MAGI3: variants seen among roughly 807,000 people sequenced by gnomAD.
MAGI3 encodes membrane-associated guanylate kinase, WW and PDZ domain-containing protein 3.
A neutral mutation model predicts 121.8 loss-of-function variants in MAGI3; 43 were observed. The ratio of observed to expected loss-of-function variants is 0.35; its 90% CI spans 0.28 to 0.46. The LOEUF is 0.46. MAGI3 is among the 20% of genes least tolerant of loss of function. The pLI, the probability that MAGI3 is intolerant of heterozygous loss-of-function variation, is 1.00. For missense variants in MAGI3, 1,547 were observed against 1,797.3 expected, an observed-to-expected ratio of 0.86 and a Z score of 2.52; for synonymous variants, 553 against 639.3, an observed-to-expected ratio of 0.86 and a Z score of 2.04.
intron 1 of MAGI3, among the ~76,000 whole-genome samples, chr1:113,454,209 G>A (rs1238608868): frequency 1.3e-5 from 2 of 152,250 alleles, no homozygotes; most frequent in East Asian, 3.9e-4. Flanking sequence ...TATTATTTGG[G>A]ATGCATATTT....
chr1:113,533,412 A>G (rs1158579437), intron 1 of MAGI3, among the ~76,000 whole-genome samples: 1 of 152,172 alleles, frequency 6.6e-6, no homozygotes, highest in Non-Finnish European at 1.5e-5. Flanking sequence ...AGAGGAGAGC[A>G]ATAGACCCTG....
chr1:113,462,711 G>T (rs943480192), intron 1 of MAGI3, among the ~76,000 whole-genome samples: 4 of 152,088 alleles, frequency 2.6e-5, no homozygotes, highest in Admixed American at 6.6e-5. Context: ...AAAATAAAAG[G>T]TGAAAAACAA....
chr1:113,526,398 C>T (rs527262136), intron 1 of MAGI3, among the ~76,000 whole-genome samples: 1 of 152,316 alleles, frequency 6.6e-6, no homozygotes, highest in African/African-American at 2.4e-5. Context: ...TATTATGAGA[C>T]AACCAGACAA....
intron 1 of MAGI3, among the ~76,000 whole-genome samples, chr1:113,454,573 T>C (rs1269909957): frequency 6.6e-6 from 1 of 152,292 alleles, no homozygotes; most frequent in African/African-American, 2.4e-5. Flanking sequence ...GGTATATACA[T>C]GTCATGGTGG....
chr1:113,518,405 A>T (rs1658027261), intron 1 of MAGI3, among the ~76,000 whole-genome samples: 1 of 152,072 alleles, frequency 6.6e-6, no homozygotes, highest in East Asian at 1.9e-4. Flanking sequence ...TTAGTTCCTT[A>T]TATACATTTT....
intron 1 of MAGI3, among the ~76,000 whole-genome samples, chr1:113,458,838 C>T (rs1429025064): frequency 1.3e-5 from 2 of 152,146 alleles, no homozygotes; most frequent in Non-Finnish European, 2.9e-5. Context: ...CAGGTGTGAG[C>T]CACTGTGCCT....
Position 113,612,460 on chromosome 1 carries a change from G to C in MAGI3, c.1019-2141G>C, listed in dbSNP as rs930579160. ...AAGGATGATGGGGAGAGGAGGATGA[G>C]AAGGGAGGAAGGAAAAAAGAATAAA... On this transcript the variant is annotated intron_variant, in intron 6 of 20. Coordinates refer to ENST00000307546, the MANE Select transcript of MAGI3 (RefSeq NM_001142782.2). 9.5e-5 allele frequency among the ~76,000 whole-genome samples: 7 copies of C among 73,720 alleles called. No homozygotes were observed. In the Admixed American group the frequency reaches 1.2e-3, roughly 13 times the overall value. 48.4% of individuals were successfully genotyped at this position (73,720 alleles called of 152,430 possible).
At chr1:113,489,178 G>A (rs905315950) in intron 1 of MAGI3, among the ~76,000 whole-genome samples, 2 of 112,042 alleles carry the variant, frequency 1.8e-5, no homozygotes, top group African/African-American at 3.0e-5. Flanking sequence ...GGCCCCCCCC[G>A]ACCCCAGCAC....
intron 18 of MAGI3, 103 bp from the exon 19 acceptor site, chr1:113,673,219 T>C (rs1571032597): frequency 7.5e-7 from 1 of 1,338,418 alleles, no homozygotes; most frequent in African/African-American, 1.5e-5. Flanking sequence ...AAATGCACAT[T>C]GAGAGTATAA....
chr1:113,651,340 C>A, intron 14 of MAGI3, 134 bp downstream of exon 14: 1 of 751,646 alleles, frequency 1.3e-6, no homozygotes, highest in Non-Finnish European at 2.0e-6. Context: ...GATCCAGGGC[C>A]TCACTGTGGA....
intron 6 of MAGI3, among the ~76,000 whole-genome samples, chr1:113,606,298 C>T (rs555575767): frequency 1.3e-4 from 20 of 152,092 alleles, no homozygotes; most frequent in Middle Eastern, 3.4e-3. Flanking sequence ...ATTTTTATAC[C>T]GTAGTTGTTT....
chr1:113,446,986 CA>C lies in MAGI3; in HGVS notation c.316+55638del, dbSNP rs747931763. On this transcript the variant is annotated intron_variant, in intron 1 of 20. Transcript: ENST00000307546. ...AGACAGGAAGTAGTATGGTGGTTGC[CA>C]GGGGTGCAGTGGAGGATAGAATGCG... Among the ~76,000 whole-genome samples the C allele has an allele frequency of 1.0e-3, 152 of 152,154 alleles. 2 individuals are homozygous for C. Among genetic ancestry groups the C allele is most frequent in the Non-Finnish European group, 1.8e-3 (123 of 67,996 alleles).
chr1:113,442,026 AT>A (rs1212955672), intron 1 of MAGI3, among the ~76,000 whole-genome samples: 1 of 152,100 alleles, frequency 6.6e-6, no homozygotes, highest in Non-Finnish European at 1.5e-5. Context: ...TATTTTAAAA[AT>A]TTTCTTCCAG....
Position 113,409,837 on chromosome 1 carries a change from A to C in MAGI3, c.316+18488A>C, listed in dbSNP as rs181065870. On this transcript the variant is annotated intron_variant, in intron 1 of 20. Coordinates refer to ENST00000307546, the MANE Select transcript of MAGI3 (RefSeq NM_001142782.2). ...AATCTGTTCTATACTAGGTTATACT[A>C]TACTGATGTGAGGAATTATCACTGC... Among the ~76,000 whole-genome samples the C allele has an allele frequency of 9.2e-5, 14 of 152,256 alleles. No individual in the cohort carries two copies. In the East Asian group the frequency reaches 2.5e-3, roughly 27 times the overall value.
At chr1:113,614,699 C>T (rs2101775476) in intron 7 of MAGI3, 41 bp downstream of exon 7, 2 of 1,438,212 alleles carry the variant, frequency 1.4e-6, no homozygotes, top group South Asian at 1.2e-5. Flanking sequence ...CAAATATTTT[C>T]CTTTCAGCAT....
intron 1 of MAGI3, among the ~76,000 whole-genome samples, chr1:113,420,247 T>G (rs1196815280): frequency 6.6e-6 from 1 of 152,200 alleles, no homozygotes; most frequent in Non-Finnish European, 1.5e-5. Flanking sequence ...CCTTAGACCC[T>G]TGCCAACCCT....
chr1:113,672,819 A>C, intron 18 of MAGI3, 78 bp downstream of exon 18: 1 of 1,493,360 alleles, frequency 6.7e-7, no homozygotes, highest in Non-Finnish European at 9.0e-7. Flanking sequence ...TTTATTGCAA[A>C]TCAGTTCAGA....
At chr1:113,652,152 T>C (rs1653205060) in intron 14 of MAGI3, among the ~76,000 whole-genome samples, 1 of 152,094 alleles carries the variant, frequency 6.6e-6, no homozygotes. Flanking sequence ...GATATGAATA[T>C]CTCTTATAGT....
At chr1:113,606,730 G>A (rs189152160) in intron 6 of MAGI3, among the ~76,000 whole-genome samples, 224 of 151,976 alleles carry the variant, frequency 1.5e-3, no homozygotes, top group African/African-American at 5.3e-3. Flanking sequence ...TGTCATATAC[G>A]TACCATTCTC....
Sources: gnomAD v4.1 joint callset for allele counts (sites outside exome capture counted in the v4.1 genomes callset) on GRCh38, gnomAD v4.1.1 for gene constraint, MANE v1.5 for transcripts, NCBI Gene and HGNC (gene_info 2026-07-23, HGNC 2026-07-21) for gene names.